Variants in ABCC1 observed in about 807,000 individuals in gnomAD.
ABCC1 encodes the protein multidrug resistance-associated protein 1.
ABCC1 carries 83 observed loss-of-function variants against 172.9 expected under a neutral mutation model. The ratio of observed to expected loss-of-function variants is 0.48; its 90% CI spans 0.40 to 0.58. The LOEUF is 0.58. Ranked by LOEUF, ABCC1 falls within the 20% of genes least tolerant of loss-of-function variation. ABCC1 has a pLI of 0.00. For synonymous variants in ABCC1, 937 were observed against 825.2 expected (o/e 1.14, Z -2.32); for missense variants, 1,817 against 2,002.7 (o/e 0.91, Z 1.77).
chr16:15,979,054 G>GATCA (rs2046558844), intron 1 of ABCC1, among the ~76,000 whole-genome samples: 2 of 151,990 alleles, frequency 1.3e-5, no homozygotes, highest in African/African-American at 4.8e-5. Context: ...GCACTTCGGG[G>GATCA]GGCCCAGGTG....
chr16:16,043,918 A>G (rs1041198518), intron 7 of ABCC1, among the ~76,000 whole-genome samples: 4 of 152,036 alleles, frequency 2.6e-5, no homozygotes, highest in Non-Finnish European at 5.9e-5. Flanking sequence ...GTTATTTTGT[A>G]TTGTTTTGAA....
chr16:16,029,017 G>A (rs997733638), intron 5 of ABCC1, among the ~76,000 whole-genome samples: 5 of 152,040 alleles, frequency 3.3e-5, no homozygotes, highest in African/African-American at 9.7e-5. Flanking sequence ...GGGGCCCTAG[G>A]CACTTGGCAC....
intron 1 of ABCC1, among the ~76,000 whole-genome samples, chr16:15,962,188 T>G (rs2046148730): frequency 6.6e-6 from 1 of 152,218 alleles, no homozygotes; most frequent in South Asian, 2.1e-4. Context: ...AACCTTACTT[T>G]CCAGAGGTCA....
In ABCC1 at chr16:16,131,885, C is replaced by T. The variant is rs377603134; in HGVS notation, c.3916C>T (p.Leu1306=). The change falls in exon 27 of 31, where the codon CTG becomes TTG. Residue 1306 remains leucine, a synonymous_variant. Coordinates refer to ENST00000399410, the MANE Select transcript of ABCC1 (RefSeq NM_004996.4). ...RNYCLRYRED[L]DFVLRHINVT... is the part of the protein sequence containing the mutation. The stretch of plus-strand genomic sequence containing the variant: ...CTACTGCCTGCGCTACCGAGAGGAC[C>T]TGGACTTCGTTCTCAGGCACATCAA... 3.1e-6 allele frequency: 5 copies of T among 1,614,200 alleles called. No individual in the cohort carries two copies. Among genetic ancestry groups the T allele is most frequent in the Non-Finnish European group, 4.2e-6 (5 of 1,180,024 alleles).
chr16:15,985,407 C>G (rs2151605208), intron 1 of ABCC1, among the ~76,000 whole-genome samples: 1 of 152,220 alleles, frequency 6.6e-6, no homozygotes, highest in South Asian at 2.1e-4. Context: ...GTTTCCCCAC[C>G]AGCTCTATTT....
chr16:15,975,588 G>C (rs2046471171), intron 1 of ABCC1, among the ~76,000 whole-genome samples: 1 of 150,988 alleles, frequency 6.6e-6, no homozygotes, highest in Non-Finnish European at 1.5e-5. Context: ...CTGAGTTTTG[G>C]TCTTGTTGCG....
At chr16:15,950,646 C>T (rs1247613021) in intron 1 of ABCC1, among the ~76,000 whole-genome samples, 3 of 152,206 alleles carry the variant, frequency 2.0e-5, no homozygotes, top group Non-Finnish European at 4.4e-5. Context: ...TTTTGGGCTT[C>T]AGCTTCTCCG....
chr16:15,961,361 T>C (rs112089837), intron 1 of ABCC1, among the ~76,000 whole-genome samples: 140 of 152,334 alleles, frequency 9.2e-4, no homozygotes, highest in East Asian at 4.1e-3. Flanking sequence ...ACTCTTGTTT[T>C]AAAACAAGAT....
rs752026090 is a variant in ABCC1, at chr16:16,036,435, ACT to A, written c.678-33_678-32del. The A allele has an allele frequency of 1.6e-5, 25 of 1,589,010 alleles. No individual in the cohort carries two copies. The African/African-American group carries it at 3.2e-4, about 21-fold the overall frequency. On this transcript the variant is annotated intron_variant, in intron 6 of 30. Transcript: ENST00000399410. ...CGTCCTCCCCCTCCTCCTGTCATTG[ACT>A]CTCATTGCCTAACCCCCTTGTGTCT...
intron 20 of ABCC1, among the ~76,000 whole-genome samples, chr16:16,106,359 T>C (rs910965141): frequency 6.6e-6 from 1 of 151,322 alleles, no homozygotes; most frequent in Non-Finnish European, 1.5e-5. Flanking sequence ...GATGTGCCCT[T>C]TCTGTTATAT....
chr16:15,999,290 C>G (rs1398514172), intron 1 of ABCC1, among the ~76,000 whole-genome samples: 1 of 152,114 alleles, frequency 6.6e-6, no homozygotes, highest in African/African-American at 2.4e-5. Context: ...CAGGCGTGAG[C>G]CACTGTGCCC....
chr16:16,072,110 T>C (rs1033811865), intron 14 of ABCC1, among the ~76,000 whole-genome samples: 2 of 151,978 alleles, frequency 1.3e-5, no homozygotes, highest in Non-Finnish European at 2.9e-5. Context: ...CTGTGTAGAC[T>C]TAGGTCTGAG....
rs2050361654 is a variant in ABCC1 at position 16,071,800 on chromosome 16, G to A, written c.1912+71G>A. On this transcript the variant is annotated intron_variant, in intron 14 of 30. Coordinates refer to ENST00000399410, the MANE Select transcript of ABCC1 (RefSeq NM_004996.4). ...ATCTCCCACTGGGTCCTCCCTACTT[G>A]CATTTCTTTCCCTTGGCTGCCCTCA... 55 of 1,387,748 alleles carry A rather than the reference G, an allele frequency of 4.0e-5. No individual in the cohort carries two copies. In the South Asian group the frequency reaches 6.6e-4, roughly 17 times the overall value. 86.0% of individuals were successfully genotyped at this position (1,387,748 alleles called of 1,614,324 possible). A position where few individuals can be genotyped will look rare whatever the true frequency, so the allele number is the denominator to read the frequency against.
intron 21 of ABCC1, among the ~76,000 whole-genome samples, chr16:16,107,904 T>C (rs2052206770): frequency 6.7e-6 from 1 of 149,832 alleles, no homozygotes; most frequent in Non-Finnish European, 1.5e-5. Context: ...AAAAAAAACA[T>C]GAAAGGTGGT....
intron 20 of ABCC1, among the ~76,000 whole-genome samples, chr16:16,104,201 C>T (rs1455398948): frequency 6.6e-6 from 1 of 152,172 alleles, no homozygotes. Context: ...AATAAAGCTT[C>T]CACAGTTTGG....
intron 18 of ABCC1, among the ~76,000 whole-genome samples, chr16:16,088,143 G>A (rs1231337192): frequency 6.6e-6 from 1 of 152,028 alleles, no homozygotes; most frequent in Non-Finnish European, 1.5e-5. Context: ...GTGTGTGTGT[G>A]TGTGTGTGCA....
intron 2 of ABCC1, among the ~76,000 whole-genome samples, chr16:16,008,452 G>A (rs1023039648): frequency 4.6e-5 from 7 of 151,816 alleles, no homozygotes; most frequent in Admixed American, 1.3e-4. Context: ...CAGTCCTCCT[G>A]CCTTGGTCTC....
intron 16 of ABCC1, among the ~76,000 whole-genome samples, chr16:16,082,641 G>A (rs1285743732): frequency 2.0e-5 from 3 of 152,066 alleles, no homozygotes; most frequent in African/African-American, 7.2e-5. Flanking sequence ...TCCCAAACTA[G>A]GTCAGTCTTT....
intron 3 of ABCC1, among the ~76,000 whole-genome samples, chr16:16,013,882 T>C (rs1162654377): frequency 1.3e-5 from 2 of 152,036 alleles, no homozygotes; most frequent in Non-Finnish European, 2.9e-5. Flanking sequence ...TTGAGAGTTG[T>C]GTGTGGCTGG....
Sources: allele counts gnomAD v4.1 joint callset (sites outside exome capture counted in the v4.1 genomes callset), GRCh38; gene constraint gnomAD v4.1.1; transcripts MANE v1.5; gene names NCBI Gene and HGNC (gene_info 2026-07-23, HGNC 2026-07-21).